Variants in WDPCP observed in about 807,000 individuals in gnomAD.
WDPCP encodes the protein WD repeat containing planar cell polarity effector, also known as WD repeat-containing and planar cell polarity effector protein fritz homolog.
A neutral mutation model predicts 93.1 loss-of-function variants in WDPCP; 71 were observed. The observed-to-expected ratio is 0.76, with a 90% CI of 0.63 to 0.93. The LOEUF (loss-of-function observed/expected upper bound fraction) is 0.93, where lower values mean the gene tolerates loss of function less well. Among genes scored for constraint, WDPCP ranks in the 40% least tolerant of loss-of-function variants. The pLI, the probability that WDPCP is intolerant of heterozygous loss-of-function variation, is 0.00. For missense variants in WDPCP, 844 were observed against 887.4 expected, an observed-to-expected ratio of 0.95 and a Z score of 0.62; for synonymous variants, 315 against 315.0, an observed-to-expected ratio of 1.00 and a Z score of 0.00.
intron 6 of WDPCP, among the ~76,000 whole-genome samples, chr2:63,472,383 T>C (rs906491483): frequency 2.2e-4 from 33 of 152,082 alleles, no homozygotes; most frequent in African/African-American, 6.5e-4. Context: ...TTTTCTATTA[T>C]TAGTTAGATA....
chr2:63,703,232 T>C (rs899505572), intron 2 of WDPCP, among the ~76,000 whole-genome samples: 1 of 152,256 alleles, frequency 6.6e-6, no homozygotes, highest in Non-Finnish European at 1.5e-5. Context: ...TTTGGTTATA[T>C]ACCCAGTAAT....
intron 2 of WDPCP, among the ~76,000 whole-genome samples, chr2:63,663,868 T>C (rs751037686): frequency 2.0e-5 from 3 of 152,206 alleles, no homozygotes; most frequent in Non-Finnish European, 2.9e-5. Flanking sequence ...TTGTGGATTT[T>C]TTTTCATGTT....
intron 12 of WDPCP, among the ~76,000 whole-genome samples, chr2:63,371,430 G>A (rs1435220441): frequency 6.6e-6 from 1 of 151,950 alleles, no homozygotes; most frequent in African/African-American, 2.4e-5. Flanking sequence ...CATTCACTAG[G>A]TAGTTTCAAA....
chr2:63,748,858 A>T (rs901849830), intron 2 of WDPCP, among the ~76,000 whole-genome samples: 2 of 152,044 alleles, frequency 1.3e-5, no homozygotes, highest in African/African-American at 4.8e-5. Context: ...GAAGACTGAG[A>T]TGATGGTGGG....
chr2:63,735,891 C>A (rs1003017072), intron 2 of WDPCP, among the ~76,000 whole-genome samples: 5 of 152,164 alleles, frequency 3.3e-5, no homozygotes, highest in African/African-American at 9.6e-5. Flanking sequence ...CAGAAAATAA[C>A]CCTAGCTCTC....
chr2:63,136,201 T>C (rs937539002), intron 17 of WDPCP, among the ~76,000 whole-genome samples: 3 of 152,186 alleles, frequency 2.0e-5, no homozygotes, highest in Non-Finnish European at 4.4e-5. Flanking sequence ...CCAGAGGACT[T>C]TTACCCAAAC....
intron 15 of WDPCP, among the ~76,000 whole-genome samples, chr2:63,164,638 T>G (rs1672841205): frequency 6.6e-6 from 1 of 152,170 alleles, no homozygotes; most frequent in Non-Finnish European, 1.5e-5. Context: ...TTAAACATCT[T>G]TTCTTTATAA....
chr2:63,122,561 C>A (rs1669617028), intron 17 of WDPCP, among the ~76,000 whole-genome samples: 1 of 152,150 alleles, frequency 6.6e-6, no homozygotes, highest in African/African-American at 2.4e-5. Flanking sequence ...TTAACAACTT[C>A]ATCTATTTCC....
At chr2:63,599,063 C>T in intron 3 of WDPCP, 1 of 1,038,576 alleles carries the variant, frequency 9.6e-7, no homozygotes, top group East Asian at 2.7e-5. Context: ...TTTCCCAAGC[C>T]TCCCCTGTAC....
At chr2:63,171,150 A>G (rs529196903) in intron 15 of WDPCP, among the ~76,000 whole-genome samples, 4 of 152,326 alleles carry the variant, frequency 2.6e-5, no homozygotes, top group African/African-American at 7.2e-5. Context: ...CAGATTAGAA[A>G]GAAATTTAAG....
At chr2:63,374,235 T>C (rs1691652974) in intron 12 of WDPCP, among the ~76,000 whole-genome samples, 1 of 152,102 alleles carries the variant, frequency 6.6e-6, no homozygotes, top group Non-Finnish European at 1.5e-5. Context: ...ACAACCTTTG[T>C]AAACCAAGCA....
chr2:63,737,034 T>G (rs1487489215), intron 2 of WDPCP, among the ~76,000 whole-genome samples: 2 of 152,006 alleles, frequency 1.3e-5, no homozygotes, highest in Non-Finnish European at 2.9e-5. Flanking sequence ...TTTCTCTACC[T>G]CTCCTGGAGG....
At chr2:63,790,479 C>G (rs748466774) in intron 2 of WDPCP, among the ~76,000 whole-genome samples, 16 of 152,208 alleles carry the variant, frequency 1.1e-4, no homozygotes, top group Non-Finnish European at 2.4e-4. Context: ...GAGACAGAGA[C>G]TTGTAATCAG....
chr2:63,203,501 A>G (rs997111911), intron 14 of WDPCP, among the ~76,000 whole-genome samples: 1 of 151,240 alleles, frequency 6.6e-6, no homozygotes, highest in African/African-American at 2.4e-5. Flanking sequence ...TCTACTCTCT[A>G]TTTTACAATC....
At chr2:63,699,908 T>C (rs1669019369) in intron 2 of WDPCP, among the ~76,000 whole-genome samples, 1 of 151,958 alleles carries the variant, frequency 6.6e-6, no homozygotes. Flanking sequence ...TGGTGAGAAA[T>C]GAGGAGCTTC....
In WDPCP at chr2:63,505,505, G is replaced by A. The variant is rs957063389; in HGVS notation, c.76-12565C>T. ...GTAGAATAAAATAAGGAAGATTCTA[G>A]ATTATGACCATGTTTTGCCCTAAAG... On this transcript the variant is annotated intron_variant, in intron 1 of 17. Transcript: ENST00000272321. Among the ~76,000 whole-genome samples the A allele has an allele frequency of 1.7e-4, 26 of 152,156 alleles. No homozygotes were observed. In the South Asian group the frequency reaches 2.9e-3, roughly 17 times the overall value.
chr2:63,595,440 G>A (rs764994682), intron 3 of WDPCP: 4 of 1,610,590 alleles, frequency 2.5e-6, no homozygotes, highest in Non-Finnish European at 3.4e-6. Flanking sequence ...TTCTTGTGCT[G>A]TTGGATATCA....
intron 2 of WDPCP, among the ~76,000 whole-genome samples, chr2:63,697,981 C>G (rs2103693656): frequency 7.2e-6 from 1 of 138,638 alleles, no homozygotes; most frequent in Admixed American, 7.3e-5. Context: ...TAGAGTCTCG[C>G]TCTGTCGCCT....
chr2:63,314,825 C>T lies in WDPCP; in HGVS notation c.1749-1514G>A, dbSNP rs111910071. Among the ~76,000 whole-genome samples the T allele has an allele frequency of 9.4e-3, 1,435 of 152,200 alleles. 15 individuals are homozygous for T. The highest frequency in any genetic ancestry group is 0.016 in the Non-Finnish European group (1,105 of 68,016). ...TCTCCAAATTATTATTTCAAGGCAC[C>T]TCAAAGTTAACATGTCTAACATGTT... is the stretch of plus-strand genomic sequence containing the variant. On this transcript the variant is annotated intron_variant, in intron 12 of 17. Transcript: ENST00000272321.
Sources: allele counts gnomAD v4.1 joint callset (sites outside exome capture counted in the v4.1 genomes callset), GRCh38; gene constraint gnomAD v4.1.1; transcripts MANE v1.5; gene names NCBI Gene and HGNC (gene_info 2026-07-23, HGNC 2026-07-21).